Variants in SCAMP4 observed in about 807,000 individuals in gnomAD.
SCAMP4 encodes the protein secretory carrier-associated membrane protein 4.
SCAMP4 carries 19 observed loss-of-function variants against 32.1 expected under a neutral mutation model. The observed-to-expected ratio is 0.59, with a 90% CI of 0.41 to 0.87. The LOEUF (loss-of-function observed/expected upper bound fraction) is 0.87. Among genes scored for constraint, SCAMP4 ranks in the 40% least tolerant of loss-of-function variants. The pLI, the probability that SCAMP4 is intolerant of heterozygous loss-of-function variation, is 0.00. For synonymous variants in SCAMP4, 152 were observed against 132.7 expected, an observed-to-expected ratio of 1.15 and a Z score of -1.00; for missense variants, 302 against 309.0, an observed-to-expected ratio of 0.98 and a Z score of 0.17.
intron 5 of SCAMP4, 45 bp downstream of exon 5, chr19:1,919,035 C>G (rs1450583978): frequency 6.4e-7 from 1 of 1,568,932 alleles, no homozygotes; most frequent in African/African-American, 1.4e-5. Context: ...TGTGGCTCAG[C>G]TGCCAGGTTG....
rs1017229704 is a variant in SCAMP4 at position 1,925,498 on chromosome 19, CT to C, written c.*1215del. ...TTGTCCCCTCACCCCCCAACTCCCCCTGGAACACCTCTCCCAGGCAAGACAT... is the reference window on the plus strand; with the variant it reads ...TTGTCCCCTCACCCCCCAACTCCCCCGGAACACCTCTCCCAGGCAAGACAT... On this transcript the variant is annotated 3_prime_UTR_variant, in exon 7 of 7. Coordinates refer to ENST00000316097, the MANE Select transcript of SCAMP4 (RefSeq NM_079834.4). The C allele has an allele frequency of 7.2e-5, 11 of 153,076 alleles. No homozygotes were observed. The highest frequency in any genetic ancestry group is 2.7e-4 in the African/African-American group (11 of 41,456). 9.5% of individuals were successfully genotyped at this position (153,076 alleles called of 1,614,324 possible).
chr19:1,921,682 T>A (rs1467317120), intron 5 of SCAMP4: 15 of 985,290 alleles, frequency 1.5e-5, no homozygotes, highest in Non-Finnish European at 1.8e-5. Flanking sequence ...TTTACTTTTT[T>A]AAAAAATAAA....
chr19:1,906,976 A>C (rs766199635), intron 1 of SCAMP4: 3 of 151,990 alleles, frequency 2.0e-5, no homozygotes, highest in Non-Finnish European at 2.9e-5. Flanking sequence ...TCACAAGGTC[A>C]GGAGTTCGAG....
chr19:1,920,028 G>A (rs1245657164), intron 5 of SCAMP4: 2 of 468,010 alleles, frequency 4.3e-6, no homozygotes, highest in East Asian at 3.1e-4. Flanking sequence ...GGTCAGGCTG[G>A]TCTGAAACTC....
intron 5 of SCAMP4, chr19:1,921,296 G>T (rs1264619582): frequency 6.1e-6 from 6 of 985,316 alleles, no homozygotes; most frequent in Non-Finnish European, 7.2e-6. Flanking sequence ...CACCTCCCCA[G>T]GGGTGACGCA....
Position 1,912,253 on chromosome 19 carries a change from A to G in SCAMP4, c.-41-2726A>G, listed in dbSNP as rs1250183050. 3 of 1,598,314 alleles carry G rather than the reference A, an allele frequency of 1.9e-6. No homozygotes were observed. In the South Asian group the frequency reaches 3.4e-5, roughly 18 times the overall value. ...GCCTACGCCGCGCCCGTCCTGGACAAGCGCCAGACCTCACGCCTCCTGAAG... is the reference window on the plus strand; with the variant it reads ...GCCTACGCCGCGCCCGTCCTGGACAGGCGCCAGACCTCACGCCTCCTGAAG... On this transcript the variant is annotated intron_variant, in intron 1 of 6. Transcript: ENST00000316097.
chr19:1,919,374 G>A, intron 5 of SCAMP4: 1 of 985,298 alleles, frequency 1.0e-6, no homozygotes, highest in Non-Finnish European at 1.2e-6. Flanking sequence ...CTGTACATCT[G>A]TAAAAACACA....
In SCAMP4 at chr19:1,917,731, C is replaced by A; in HGVS notation, c.45C>A (p.Ile15=). 1 of 1,614,024 alleles carries A rather than the reference C, an allele frequency of 6.2e-7. No individual in the cohort carries two copies. Among genetic ancestry groups the A allele is most frequent in the East Asian group, 2.2e-5 (1 of 44,886 alleles). The part of the protein sequence containing the change: ...ENNFPPLPKF[I]PVKPCFYQNF... ...ACTTCCCGCCACTGCCCAAGTTCAT[C>A]CCTGTGAAGCCCTGCTTCTACCAGA... is the stretch of plus-strand genomic sequence containing the variant. Residue 15 remains isoleucine, a synonymous_variant, in exon 3 of 7, where the codon ATC becomes ATA. Transcript: ENST00000316097.
At position 1,924,325 on chromosome 19, in the gene SCAMP4, C is replaced by A. The variant is rs1269448361; in HGVS notation, c.*41C>A. Reference sequence around the variant, plus strand: ...CCCCCACCGCCCACCACCTCCTCCCCTTCATTCCTGCTGCTACCCCTGGTC... The same window carrying A: ...CCCCCACCGCCCACCACCTCCTCCCATTCATTCCTGCTGCTACCCCTGGTC... On this transcript the variant is annotated 3_prime_UTR_variant, in exon 7 of 7. Transcript: ENST00000316097. 6.5e-7 allele frequency: 1 copy of A among 1,529,188 alleles called. No homozygotes were observed. Among genetic ancestry groups the A allele is most frequent in the Non-Finnish European group, 8.8e-7 (1 of 1,133,562 alleles). 94.7% of individuals were successfully genotyped at this position (1,529,188 alleles called of 1,614,324 possible). A position where few individuals can be genotyped will look rare whatever the true frequency, so the allele number is the denominator to read the frequency against.
chr19:1,913,987 G>T (rs1389373914), intron 1 of SCAMP4, among the ~76,000 whole-genome samples: 5 of 152,166 alleles, frequency 3.3e-5, no homozygotes, highest in Non-Finnish European at 7.4e-5. Flanking sequence ...CCAGGAGCCC[G>T]CCAGGCCTGC....
intron 1 of SCAMP4, chr19:1,912,583 G>A: frequency 6.7e-7 from 1 of 1,496,032 alleles, no homozygotes; most frequent in Non-Finnish European, 8.9e-7. Flanking sequence ...CTGGCTGGGC[G>A]GCTCTTCTCC....
chr19:1,918,751 G>C, intron 4 of SCAMP4, 138 bp from the exon 5 acceptor site: 3 of 1,287,504 alleles, frequency 2.3e-6, no homozygotes, highest in Non-Finnish European at 3.1e-6. Flanking sequence ...GACAGAGTGA[G>C]ACTCCATCTC....
rs1002867593 is a variant in SCAMP4 at position 1,918,151 on chromosome 19, A to G, written c.161A>G (p.Asn54Ser). Residue 54 changes from asparagine to serine, a missense_variant, in exon 4 of 7, where the codon AAC becomes AGC. Coordinates refer to ENST00000316097, the MANE Select transcript of SCAMP4 (RefSeq NM_079834.4). Reference sequence around the variant, plus strand: ...GTTTACTGCGCCACCCTCGGCGTCAACCTCATTGCCTGCCTGGCCTGGTGG... The same window carrying G: ...GTTTACTGCGCCACCCTCGGCGTCAGCCTCATTGCCTGCCTGGCCTGGTGG... ...WMFYCATLGV[N>S]LIACLAWWIG... is the part of the protein sequence containing the mutation. 23 of 1,612,712 alleles carry G rather than the reference A, an allele frequency of 1.4e-5. No individual in the cohort carries two copies. Among genetic ancestry groups the G allele is most frequent in the African/African-American group, 8.0e-5 (6 of 74,934 alleles).
intron 1 of SCAMP4, chr19:1,912,796 G>A (rs1425999578): frequency 1.9e-6 from 3 of 1,574,150 alleles, no homozygotes; most frequent in Admixed American, 1.8e-5. Flanking sequence ...CTCGTGGCGC[G>A]CGGCCAGGGC....
At chr19:1,917,879 G>A in intron 3 of SCAMP4, 57 bp downstream of exon 3, 1 of 1,605,346 alleles carries the variant, frequency 6.2e-7, no homozygotes, top group South Asian at 1.1e-5. Context: ...CCCGAGGGAG[G>A]GAGTGGCATT....
rs752759753 is a variant in SCAMP4 at position 1,908,528 on chromosome 19, C to T, written c.-42+3089C>T. ...TACCAGCGGGGATGTGTAGTCCAGG[C>T]TGGCAGTTCAGGATCACCCGGCTGG... On this transcript the variant is annotated intron_variant, in intron 1 of 6. Transcript: ENST00000316097. The surrounding 1 kb of genome is among the most constrained non-coding windows in gnomAD (Gnocchi z 4.2). 4 of 471,138 alleles carry T rather than the reference C, an allele frequency of 8.5e-6. No individual in the cohort carries two copies. In the East Asian group the frequency reaches 2.8e-4, roughly 33 times the overall value. The allele number at this position is 471,138 out of a possible 1,614,324, so 29.2% of individuals were successfully genotyped here. A position where few individuals can be genotyped will look rare whatever the true frequency, so the allele number is the denominator to read the frequency against.
At chr19:1,909,627 C>T (rs940134956) in intron 1 of SCAMP4, among the ~76,000 whole-genome samples, 2 of 152,016 alleles carry the variant, frequency 1.3e-5, no homozygotes, top group African/African-American at 4.8e-5. Flanking sequence ...GGGATGGTAA[C>T]AGTGCTGGTG....
At chr19:1,910,123 G>A (rs1205883713) in intron 1 of SCAMP4, among the ~76,000 whole-genome samples, 1 of 152,182 alleles carries the variant, frequency 6.6e-6, no homozygotes, top group Admixed American at 6.5e-5. Context: ...GCCAGCTCCC[G>A]GTTCTGTGGG....
At chr19:1,911,563 G>A (rs555093990) in intron 1 of SCAMP4, among the ~76,000 whole-genome samples, 3 of 152,172 alleles carry the variant, frequency 2.0e-5, no homozygotes, top group African/African-American at 4.8e-5. Context: ...GGTGGATCAC[G>A]TGAGGTTAGG....
Sources: gnomAD v4.1 joint callset for allele counts (sites outside exome capture counted in the v4.1 genomes callset) on GRCh38, gnomAD v4.1.1 for gene constraint, Gnocchi (gnomAD v3.1) non-coding constraint, MANE v1.5 for transcripts, NCBI Gene and HGNC (gene_info 2026-07-23, HGNC 2026-07-21) for gene names.